SNX29: variants seen among roughly 807,000 people sequenced by gnomAD.
SNX29 encodes the protein sorting nexin-29.
SNX29 carries 78 observed loss-of-function variants against 102.1 expected under a neutral mutation model. That is an observed-to-expected ratio of 0.76 (90% CI 0.64 to 0.92). The LOEUF (loss-of-function observed/expected upper bound fraction) is 0.92, where lower values mean the gene tolerates loss of function less well. Among genes scored for constraint, SNX29 ranks in the 40% least tolerant of loss-of-function variants. The pLI, the probability that SNX29 is intolerant of heterozygous loss-of-function variation, is 0.00. For synonymous variants in SNX29, 580 were observed against 414.5 expected (o/e 1.40, Z -4.85); for missense variants, 1,280 against 1,061.7 (o/e 1.21, Z -2.86).
intron 3 of SNX29, among the ~76,000 whole-genome samples, chr16:12,013,500 A>AAAAAATATATATATATAT: frequency 2.2e-4 from 7 of 31,628 alleles, no homozygotes; most frequent in Admixed American, 5.6e-4. Context: ...AAAAAAAAAA[A>AAAAAATATATATATATAT]ATATATATAT....
chr16:12,553,253 C>G lies in SNX29; in HGVS notation c.2319-15253C>G, dbSNP rs540973235. Among the ~76,000 whole-genome samples, 19 of 152,320 alleles carry G rather than the reference C, an allele frequency of 1.2e-4. 1 individual carries two copies. Among genetic ancestry groups the G allele is most frequent in the South Asian group, 1.0e-3 (5 of 4,828 alleles). ...CTTGAGAATACAGAGAGAGATTGTA[C>G]AAGACCACTGCCGCCTAGGGGCACA... On this transcript the variant is annotated intron_variant, in intron 20 of 20. Coordinates refer to ENST00000566228, the MANE Select transcript of SNX29 (RefSeq NM_032167.5).
At chr16:12,367,866 A>G (rs529783856) in intron 16 of SNX29, among the ~76,000 whole-genome samples, 6 of 152,364 alleles carry the variant, frequency 3.9e-5, no homozygotes, top group African/African-American at 1.4e-4. Context: ...TACTAAAAAT[A>G]TATCTCACAT....
chr16:12,219,940 G>A (rs574279938), intron 14 of SNX29, among the ~76,000 whole-genome samples: 34 of 151,766 alleles, frequency 2.2e-4, no homozygotes, highest in East Asian at 1.7e-3. Context: ...GTACACACAC[G>A]TGCACGTGCA....
At chr16:12,080,843 C>T (rs1358587159) in intron 11 of SNX29, among the ~76,000 whole-genome samples, 6 of 151,586 alleles carry the variant, frequency 4.0e-5, no homozygotes, top group Non-Finnish European at 8.8e-5. Flanking sequence ...AGGCCCACGC[C>T]CGGCTAATTT....
At chr16:12,171,795 C>G (rs1384667415) in intron 13 of SNX29, among the ~76,000 whole-genome samples, 2 of 152,238 alleles carry the variant, frequency 1.3e-5, no homozygotes, top group African/African-American at 4.8e-5. Context: ...TGTACTCAGC[C>G]TCTAATGTCT....
chr16:12,561,104 T>G, intron 20 of SNX29: 1 of 226,916 alleles, frequency 4.4e-6, no homozygotes, highest in East Asian at 6.3e-5. Context: ...GGAATTAGAT[T>G]TCACGGGGCA....
At chr16:12,149,529 T>A (rs1250350983) in intron 13 of SNX29, among the ~76,000 whole-genome samples, 4 of 152,220 alleles carry the variant, frequency 2.6e-5, no homozygotes, top group African/African-American at 9.6e-5. Flanking sequence ...CGTCAGTAGA[T>A]CAGATTGTCC....
intron 8 of SNX29, among the ~76,000 whole-genome samples, chr16:12,060,317 C>T (rs1025930197): frequency 3.9e-5 from 6 of 152,084 alleles, no homozygotes; most frequent in African/African-American, 1.4e-4. Flanking sequence ...TCAGGCTAGG[C>T]GAGGTGTCTT....
At chr16:12,447,865 AGT>A (rs2086133397) in intron 18 of SNX29, among the ~76,000 whole-genome samples, 1 of 152,120 alleles carries the variant, frequency 6.6e-6, no homozygotes, top group African/African-American at 2.4e-5. Context: ...CACACATCTG[AGT>A]GTCTCCATTG....
intron 14 of SNX29, among the ~76,000 whole-genome samples, chr16:12,241,465 CTT>C: frequency 6.8e-6 from 1 of 146,926 alleles, no homozygotes; most frequent in South Asian, 2.2e-4. Flanking sequence ...CCTGGTCTAT[CTT>C]TTTTTTTTTG....
chr16:12,315,316 G>A (rs2080696864), intron 15 of SNX29, among the ~76,000 whole-genome samples: 1 of 152,190 alleles, frequency 6.6e-6, no homozygotes, highest in Non-Finnish European at 1.5e-5. Context: ...TCCATAAAGG[G>A]TGGCCAGAGA....
intron 19 of SNX29, among the ~76,000 whole-genome samples, chr16:12,492,090 C>G (rs2088579003): frequency 6.6e-6 from 1 of 152,194 alleles, no homozygotes; most frequent in African/African-American, 2.4e-5. Flanking sequence ...TTCTAGATCC[C>G]TGAGGAATCG....
chr16:12,131,440 C>T (rs1376037160), intron 13 of SNX29, among the ~76,000 whole-genome samples: 1 of 152,120 alleles, frequency 6.6e-6, no homozygotes, highest in East Asian at 1.9e-4. Context: ...GTTTAGTCTA[C>T]CTTCTAGCAC....
At chr16:12,552,137 G>A (rs2078017401) in intron 20 of SNX29, among the ~76,000 whole-genome samples, 1 of 152,212 alleles carries the variant, frequency 6.6e-6, no homozygotes, top group African/African-American at 2.4e-5. Context: ...TGCCTGAGAG[G>A]CCACATTCCA....
chr16:12,549,973 A>T (rs1441801099), intron 20 of SNX29, among the ~76,000 whole-genome samples: 1 of 152,252 alleles, frequency 6.6e-6, no homozygotes, highest in Non-Finnish European at 1.5e-5. Context: ...ATGCCCAGTC[A>T]TTCACACTTC....
chr16:12,555,874 C>A (rs989191615), intron 20 of SNX29, among the ~76,000 whole-genome samples: 1 of 151,932 alleles, frequency 6.6e-6, no homozygotes, highest in South Asian at 2.1e-4. Context: ...CTCCAGAGGC[C>A]GTGCTTTCTG....
chr16:12,403,250 GTGTGTA>G (rs2084027603), intron 17 of SNX29, among the ~76,000 whole-genome samples, 192 bp from the exon 18 acceptor site: 6 of 138,096 alleles, frequency 4.3e-5, no homozygotes, highest in African/African-American at 1.2e-4. Flanking sequence ...GTGTGTGTGT[GTGTGTA>G]GAGAGAGACA....
intron 18 of SNX29, among the ~76,000 whole-genome samples, chr16:12,443,517 A>G (rs1423343786): frequency 6.6e-6 from 1 of 151,954 alleles, no homozygotes; most frequent in Non-Finnish European, 1.5e-5. Flanking sequence ...CAGTGGTGCT[A>G]TCTTGGTTCA....
intron 20 of SNX29, among the ~76,000 whole-genome samples, chr16:12,552,940 C>G (rs781466385): frequency 1.3e-5 from 2 of 152,196 alleles, no homozygotes; most frequent in East Asian, 3.8e-4. Context: ...GCCTTATATG[C>G]CACGTCATCA....
Sources: allele counts gnomAD v4.1 joint callset (sites outside exome capture counted in the v4.1 genomes callset), GRCh38; gene constraint gnomAD v4.1.1; transcripts MANE v1.5; gene names NCBI Gene and HGNC (gene_info 2026-07-23, HGNC 2026-07-21).